Variants in SMPD3 observed in about 807,000 individuals in gnomAD.
SMPD3 encodes sphingomyelin phosphodiesterase 3.
A neutral mutation model predicts 55.7 loss-of-function variants in SMPD3; 21 were observed. The observed-to-expected ratio is 0.38, with a 90% CI of 0.27 to 0.54. The LOEUF (loss-of-function observed/expected upper bound fraction) is 0.54, where lower values mean the gene tolerates loss of function less well. SMPD3 is among the 20% of genes least tolerant of loss of function. The pLI, the probability that SMPD3 is intolerant of heterozygous loss-of-function variation, is 0.80. For synonymous variants in SMPD3, 457 were observed against 404.3 expected, an observed-to-expected ratio of 1.13 and a Z score of -1.56; for missense variants, 842 against 899.6, an observed-to-expected ratio of 0.94 and a Z score of 0.82.
chr16:68,397,165 CG>C (rs2090164422), intron 1 of SMPD3, among the ~76,000 whole-genome samples: 1 of 152,130 alleles, frequency 6.6e-6, no homozygotes, highest in South Asian at 2.1e-4. Flanking sequence ...GCATTTTGAC[CG>C]ATGGGGCTCT....
Position 68,371,687 on chromosome 16 carries a change from G to C in SMPD3, c.495C>G (p.Pro165=), listed in dbSNP as rs759197052. The change falls in exon 3 of 9, where the codon CCC becomes CCG. Residue 165 remains proline (P), a synonymous_variant. Coordinates refer to ENST00000219334, the MANE Select transcript of SMPD3 (RefSeq NM_018667.4). ...GGGAGTCGATGTAAATTTTGATCTG[G>C]GGCCGGGCGGCCCCATTGCGGATTC... ...GQRIRNGAAR[P]QIKIYIDSPT... is the part of the protein sequence containing the mutation. The C allele has an allele frequency of 6.4e-6, 10 of 1,572,128 alleles. No individual in the cohort carries two copies. The South Asian group carries it at 1.2e-4, about 19-fold the overall frequency.
chr16:68,433,765 C>A (rs1180214029), intron 1 of SMPD3, among the ~76,000 whole-genome samples: 1 of 152,148 alleles, frequency 6.6e-6, no homozygotes, highest in Non-Finnish European at 1.5e-5. Context: ...ATCTGCTGCC[C>A]TTGCTTGTTA....
rs2090620298 is a variant in SMPD3 at position 68,447,581 on chromosome 16, C to T, written c.-269+772G>A. ...TCTCACACCCAGGCCACCCAACCCT[C>T]GGCGCGGGCCCGAGCGCGGGGGATT... On this transcript the variant is annotated intron_variant, in intron 1 of 8. Transcript: ENST00000219334. This position sits in a 1 kb window ranked among gnomAD's most constrained non-coding sequence, Gnocchi z 5.1. Among the ~76,000 whole-genome samples the T allele has an allele frequency of 6.6e-6, 1 of 151,480 alleles. No homozygotes were observed. Among genetic ancestry groups the T allele is most frequent in the South Asian group, 2.1e-4 (1 of 4,780 alleles).
At chr16:68,384,918 G>A (rs1316445661) in intron 2 of SMPD3, among the ~76,000 whole-genome samples, 3 of 152,116 alleles carry the variant, frequency 2.0e-5, no homozygotes, top group Admixed American at 1.3e-4. Context: ...CGGCCTGCTT[G>A]GGACCTCAAA....
chr16:68,425,248 A>G (rs1467148470), intron 1 of SMPD3, among the ~76,000 whole-genome samples: 1 of 152,176 alleles, frequency 6.6e-6, no homozygotes, highest in East Asian at 1.9e-4. Flanking sequence ...GGAAATCAAA[A>G]CAGAACTTCA....
intron 1 of SMPD3, among the ~76,000 whole-genome samples, chr16:68,387,926 T>C (rs970391409): frequency 6.6e-6 from 1 of 152,316 alleles, no homozygotes; most frequent in East Asian, 1.9e-4. Flanking sequence ...GGCAAACAAT[T>C]GGCTCCCTTC....
chr16:68,394,453 T>C lies in SMPD3; in HGVS notation c.-268-7794A>G, dbSNP rs149033921. 9.8e-3 allele frequency among the ~76,000 whole-genome samples: 1,488 copies of C among 152,340 alleles called. 25 individuals carry two copies. Among genetic ancestry groups the C allele is most frequent in the African/African-American group, 0.033 (1,381 of 41,566 alleles). On this transcript the variant is annotated intron_variant, in intron 1 of 8. Coordinates refer to ENST00000219334, the MANE Select transcript of SMPD3 (RefSeq NM_018667.4). Reference sequence around the variant, plus strand: ...TTTTTCTGATCTGTTTCTGTCAGTATTTTGTTGTTGTTGTCATTTATTTCT... The same window carrying C: ...TTTTTCTGATCTGTTTCTGTCAGTACTTTGTTGTTGTTGTCATTTATTTCT...
At chr16:68,434,083 A>C (rs574499310) in intron 1 of SMPD3, among the ~76,000 whole-genome samples, 43 of 152,332 alleles carry the variant, frequency 2.8e-4, no homozygotes, top group African/African-American at 1.0e-3. Flanking sequence ...ATGTGTACTA[A>C]ATTTAACACA....
At chr16:68,372,883 A>G (rs547584817) in intron 2 of SMPD3, among the ~76,000 whole-genome samples, 98 of 152,282 alleles carry the variant, frequency 6.4e-4, no homozygotes, top group African/African-American at 2.0e-3. Flanking sequence ...AGCAGGAAAA[A>G]ACAGCAGAGC....
At chr16:68,400,985 A>G (rs1279341740) in intron 1 of SMPD3, among the ~76,000 whole-genome samples, 2 of 152,200 alleles carry the variant, frequency 1.3e-5, no homozygotes, top group Non-Finnish European at 2.9e-5. Context: ...TTTGCACTGG[A>G]TTGAACTTTT....
intron 2 of SMPD3, among the ~76,000 whole-genome samples, chr16:68,383,942 C>A (rs1466004963): frequency 2.0e-5 from 3 of 152,226 alleles, no homozygotes; most frequent in African/African-American, 7.2e-5. Context: ...CTCGCCCTCT[C>A]CAACCTAGAC....
At chr16:68,363,920 C>T (rs369813750) in intron 5 of SMPD3, 54 bp from the exon 6 acceptor site, 43 of 1,460,402 alleles carry the variant, frequency 2.9e-5, no homozygotes, top group Middle Eastern at 3.5e-4. Flanking sequence ...CTGTCCCACA[C>T]GGCCTGTGCC....
At chr16:68,376,836 C>G (rs1330386723) in intron 2 of SMPD3, among the ~76,000 whole-genome samples, 1 of 152,254 alleles carries the variant, frequency 6.6e-6, no homozygotes, top group East Asian at 1.9e-4. Flanking sequence ...CCGGCCACTG[C>G]TTAGCTTGGG....
At position 68,365,047 on chromosome 16, in the gene SMPD3, T is replaced by C. The variant is rs766598620; in HGVS notation, c.1369A>G (p.Ile457Val). The C allele has an allele frequency of 5.0e-6, 8 of 1,614,100 alleles. No individual in the cohort carries two copies. Among genetic ancestry groups the C allele is most frequent in the African/African-American group, 1.3e-5 (1 of 75,028 alleles). Residue 457 changes from isoleucine (I) to valine (V), a missense_variant, in exon 4 of 9, where the codon ATC becomes GTC. Physicochemically the swap from Ile to Val is conservative, Grantham distance 29. Coordinates refer to ENST00000219334, the MANE Select transcript of SMPD3 (RefSeq NM_018667.4). ...GGGGCATGCAGGTGTGTGCAGGCGA[T>C]GTACCCGACGATTCTTTGGTCCTGA... ...TPQDQRIVGY[I>V]ACTHLHAPQE...
chr16:68,399,398 G>A (rs1030935988), intron 1 of SMPD3, among the ~76,000 whole-genome samples: 1 of 152,168 alleles, frequency 6.6e-6, no homozygotes, highest in Non-Finnish European at 1.5e-5. Flanking sequence ...TCACCACTGT[G>A]CTTCGTTTAT....
intron 2 of SMPD3, among the ~76,000 whole-genome samples, chr16:68,374,469 A>G (rs1362217067): frequency 1.1e-4 from 16 of 152,284 alleles, no homozygotes; most frequent in African/African-American, 3.4e-4. Flanking sequence ...GGCAACCTGG[A>G]GCCATGGGAA....
At chr16:68,412,532 G>A (rs189416818) in intron 1 of SMPD3, among the ~76,000 whole-genome samples, 51 of 152,320 alleles carry the variant, frequency 3.3e-4, no homozygotes, top group Admixed American at 3.1e-3. Context: ...GTCCCTGCCT[G>A]CTCACCTGTA....
At chr16:68,384,188 CTG>C (rs1278838285) in intron 2 of SMPD3, among the ~76,000 whole-genome samples, 1 of 152,260 alleles carries the variant, frequency 6.6e-6, no homozygotes, top group African/African-American at 2.4e-5. Flanking sequence ...CAGTCCCCCA[CTG>C]TGCCCTTCCA....
chr16:68,365,553 CAG>C (rs2089452860), intron 3 of SMPD3, among the ~76,000 whole-genome samples: 1 of 152,198 alleles, frequency 6.6e-6, no homozygotes, highest in African/African-American at 2.4e-5. Flanking sequence ...GGCGTGGCCT[CAG>C]AGCCCACCCC....
Sources: gnomAD v4.1 joint callset for allele counts (sites outside exome capture counted in the v4.1 genomes callset) on GRCh38, gnomAD v4.1.1 for gene constraint, Gnocchi (gnomAD v3.1) non-coding constraint, MANE v1.5 for transcripts, NCBI Gene and HGNC (gene_info 2026-07-23, HGNC 2026-07-21) for gene names.